The following EDA variants were observed in gnomAD, a reference collection of about 807,000 sequenced individuals.
The protein encoded by EDA is ectodysplasin-A.
A neutral mutation model predicts 23.6 loss-of-function variants in EDA; 2 were observed. The observed-to-expected ratio is 0.08, with a 90% confidence interval of 0.03 to 0.27. The LOEUF is 0.27. Among genes scored for constraint, EDA ranks in the 10% least tolerant of loss-of-function variants. EDA has a pLI of 1.00. For missense variants in EDA, 229 were observed against 324.2 expected (o/e 0.71, Z 2.26); for synonymous variants, 131 against 132.0 (o/e 0.99, Z 0.05).
intron 2 of EDA, among the ~76,000 whole-genome samples, chrX:70,014,025 A>C (rs755610394): frequency 8.9e-6 from 1 of 112,185 alleles, no homozygotes; most frequent in African/African-American, 3.2e-5. Flanking sequence ...TCCAAGATAC[A>C]AGTGGCAGGC....
At chrX:69,785,960 G>A (rs749926852) in intron 1 of EDA, among the ~76,000 whole-genome samples, 66 of 110,749 alleles carry the variant, frequency 6.0e-4, no homozygotes, top group Non-Finnish European at 7.9e-4. Flanking sequence ...GATTATTGCC[G>A]CAATTTCAGC....
At chrX:69,631,974 C>T (rs1932613012) in intron 1 of EDA, among the ~76,000 whole-genome samples, 1 of 111,776 alleles carries the variant, frequency 8.9e-6, no homozygotes, top group Non-Finnish European at 1.9e-5. Flanking sequence ...CTTATTTGGC[C>T]TATAACTATA....
intron 1 of EDA, among the ~76,000 whole-genome samples, chrX:69,753,013 T>C (rs949928250): frequency 9.0e-6 from 1 of 111,618 alleles, no homozygotes; most frequent in Non-Finnish European, 1.9e-5. Flanking sequence ...TTTGTTGATC[T>C]TTTCAAAAAA....
chrX:70,008,468 C>A (rs2019831432), intron 2 of EDA, among the ~76,000 whole-genome samples: 1 of 111,889 alleles, frequency 8.9e-6, no homozygotes, highest in African/African-American at 3.2e-5. Flanking sequence ...GAATGGTTAA[C>A]CAGCCTTGCA....
intron 1 of EDA, among the ~76,000 whole-genome samples, chrX:69,796,291 C>A (rs1000785155): frequency 9.8e-5 from 6 of 61,185 alleles, no homozygotes; most frequent in Non-Finnish European, 1.8e-4. Flanking sequence ...CCTACTAACA[C>A]TGGAGCCAAT....
chrX:69,988,693 T>C (rs1348205447), intron 2 of EDA, among the ~76,000 whole-genome samples: 2 of 110,333 alleles, frequency 1.8e-5, no homozygotes, highest in East Asian at 5.7e-4. Flanking sequence ...CCGTCTCTAC[T>C]AAAAATACAA....
intron 1 of EDA, among the ~76,000 whole-genome samples, chrX:69,792,675 A>G (rs768299341): frequency 8.9e-5 from 10 of 112,291 alleles, no homozygotes; most frequent in Non-Finnish European, 1.9e-4. Context: ...TGCAGGAGTA[A>G]GGTAGTATTT....
intron 1 of EDA, among the ~76,000 whole-genome samples, chrX:69,661,115 CA>C (rs1418024197): frequency 1.8e-5 from 2 of 109,778 alleles, no homozygotes; most frequent in Non-Finnish European, 3.8e-5. Context: ...AGCATTTTTT[CA>C]TGTGTTTTTT....
chrX:69,716,516 A>AT (rs372180676), intron 1 of EDA, among the ~76,000 whole-genome samples: 2,718 of 96,789 alleles, frequency 0.028, 65 homozygotes, highest in African/African-American at 0.092. Flanking sequence ...CCTTCAGCTT[A>AT]TTTTTTTTTT....
intron 1 of EDA, among the ~76,000 whole-genome samples, chrX:69,788,307 C>A (rs1488392411): frequency 1.8e-5 from 2 of 112,814 alleles, no homozygotes; most frequent in Admixed American, 9.3e-5. Context: ...AAGTCCTTCT[C>A]CGTCCAGCTT....
rs1470071203 is a variant in EDA at position 70,029,528 on chromosome X, G to A, written c.731G>A (p.Arg244Gln). 1.1e-5 allele frequency: 13 copies of A among 1,210,538 alleles called. No individual in the cohort carries two copies. Among genetic ancestry groups the A allele is most frequent in the East Asian group, 3.0e-5 (1 of 33,791 alleles). ...GGTGCTGCTGATAAAGCTGGAACTC[G>A]AGAAAACCAGGTTGGCTGGGGATTG... is the stretch of plus-strand genomic sequence containing the variant. ...PSGAADKAGT[R>Q]ENQPAVVHLQ... The change falls in exon 5 of 8, where the codon CGA (arginine) becomes CAA (glutamine). Residue 244 changes from arginine to glutamine, a missense_variant. Around this residue, in one of 2 missense-constraint regions of EDA, gnomAD observed 175 missense variants for 281.8 expected, o/e 0.62. Transcript: ENST00000374552.
intron 1 of EDA, among the ~76,000 whole-genome samples, chrX:69,804,503 C>G (rs1386393819): frequency 9.0e-6 from 1 of 110,790 alleles, no homozygotes; most frequent in Non-Finnish European, 1.9e-5. Context: ...AGTTTTCCTT[C>G]TCTTGTGAAG....
chrX:69,637,100 C>A (rs1237853628), intron 1 of EDA, among the ~76,000 whole-genome samples: 2 of 111,624 alleles, frequency 1.8e-5, no homozygotes, highest in Non-Finnish European at 3.8e-5. Flanking sequence ...CACTCAGGAG[C>A]CCCTAATAAT....
At chrX:69,877,682 A>G (rs759077980) in intron 1 of EDA, among the ~76,000 whole-genome samples, 6 of 111,954 alleles carry the variant, frequency 5.4e-5, no homozygotes, top group Non-Finnish European at 1.1e-4. Flanking sequence ...TTGAAGTCCA[A>G]TTTATCAAGT....
intron 1 of EDA, among the ~76,000 whole-genome samples, chrX:69,816,220 A>G (rs1163926293): frequency 8.9e-6 from 1 of 112,035 alleles, no homozygotes; most frequent in Non-Finnish European, 1.9e-5. Flanking sequence ...TCAAAGGTAG[A>G]TAAGCCCACA....
chrX:69,690,117 CAGAG>C (rs1267484601), intron 1 of EDA, among the ~76,000 whole-genome samples: 1 of 109,487 alleles, frequency 9.1e-6, no homozygotes, highest in African/African-American at 3.3e-5. Context: ...TATCTGCAAA[CAGAG>C]AGAGTTTTCT....
intron 1 of EDA, among the ~76,000 whole-genome samples, chrX:69,686,351 C>G (rs775267844): frequency 1.8e-5 from 2 of 112,111 alleles, no homozygotes; most frequent in African/African-American, 3.2e-5. Context: ...ACAATGGCCA[C>G]TAATATAGGT....
At chrX:69,705,398 G>A (rs1431687190) in intron 1 of EDA, among the ~76,000 whole-genome samples, 3 of 111,233 alleles carry the variant, frequency 2.7e-5, no homozygotes, top group African/African-American at 9.8e-5. Context: ...ATCGCAACCA[G>A]ACAAACCTTG....
chrX:69,848,312 T>C (rs1405196371), intron 1 of EDA, among the ~76,000 whole-genome samples: 2 of 111,531 alleles, frequency 1.8e-5, no homozygotes, highest in Non-Finnish European at 3.8e-5. Context: ...GCCCCTAATG[T>C]CTAGGACCAG....
Sources: allele counts gnomAD v4.1 joint callset (sites outside exome capture counted in the v4.1 genomes callset), GRCh38; gene constraint gnomAD v4.1.1; regional missense constraint gnomAD v4.1.1; transcripts MANE v1.5; gene names NCBI Gene and HGNC (gene_info 2026-07-23, HGNC 2026-07-21).